Variants in TMEM132C observed in about 807,000 individuals in gnomAD.
TMEM132C encodes protein phosphatase 1, regulatory subunit 152.
A neutral mutation model predicts 61.4 loss-of-function variants in TMEM132C; 29 were observed. The ratio of observed to expected loss-of-function variants is 0.47; its 90% CI spans 0.35 to 0.64. The LOEUF is 0.64. Among genes scored for constraint, TMEM132C ranks in the 30% least tolerant of loss-of-function variants. TMEM132C has a pLI of 0.00. For missense variants in TMEM132C, 1,408 were observed against 1,476.9 expected, an observed-to-expected ratio of 0.95 and a Z score of 0.76; for synonymous variants, 656 against 633.1, an observed-to-expected ratio of 1.04 and a Z score of -0.54.
chr12:128,665,845 GCA>G lies in TMEM132C; in HGVS notation c.1306-3559_1306-3558del, dbSNP rs61721549. Among the ~76,000 whole-genome samples, 199 of 92,364 alleles carry G rather than the reference GCA, an allele frequency of 2.2e-3. 2 individuals are homozygous for G. The highest frequency in any genetic ancestry group is 2.5e-3 in the Non-Finnish European group (117 of 46,574). 60.6% of individuals were successfully genotyped at this position (92,364 alleles called of 152,430 possible). A position where few individuals can be genotyped will look rare whatever the true frequency, so the allele number is the denominator to read the frequency against. ...TTCACAGGCACTCACACAAACACAG[GCA>G]CACACACACACATACACACAGGCAC... On this transcript the variant is annotated intron_variant, in intron 4 of 8. Coordinates refer to ENST00000435159, the MANE Select transcript of TMEM132C (RefSeq NM_001136103.3).
chr12:128,380,217 GCT>G (rs1874358077), intron 1 of TMEM132C, among the ~76,000 whole-genome samples: 2 of 152,360 alleles, frequency 1.3e-5, no homozygotes, highest in East Asian at 1.9e-4. Flanking sequence ...TATTGTTCTG[GCT>G]CAGGCTCATA....
chr12:128,563,934 G>A (rs1455422007), intron 3 of TMEM132C, among the ~76,000 whole-genome samples: 1 of 152,218 alleles, frequency 6.6e-6, no homozygotes. Context: ...GCAATAGGAT[G>A]TAAATAACTC....
At chr12:128,355,910 C>T (rs1056646521) in intron 1 of TMEM132C, among the ~76,000 whole-genome samples, 1 of 152,126 alleles carries the variant, frequency 6.6e-6, no homozygotes, top group Non-Finnish European at 1.5e-5. Context: ...GCACTCTTTA[C>T]CCCCTTCCTG....
chr12:128,503,840 T>G (rs1164208496), intron 2 of TMEM132C, among the ~76,000 whole-genome samples: 2 of 152,212 alleles, frequency 1.3e-5, no homozygotes, highest in Admixed American at 6.5e-5. Context: ...TCTGGTGTTA[T>G]TCAGCAAATC....
intron 1 of TMEM132C, among the ~76,000 whole-genome samples, chr12:128,346,095 A>G (rs1481051084): frequency 6.6e-6 from 1 of 152,024 alleles, no homozygotes. Flanking sequence ...AACCCTTTCT[A>G]TAAGGGGTCC....
intron 3 of TMEM132C, among the ~76,000 whole-genome samples, chr12:128,605,893 G>A (rs147818010): frequency 6.6e-6 from 1 of 152,218 alleles, no homozygotes; most frequent in Non-Finnish European, 1.5e-5. Flanking sequence ...GAGCCTCCAT[G>A]CACCCTAGTT....
chr12:128,485,559 A>G (rs367758539), intron 2 of TMEM132C, among the ~76,000 whole-genome samples: 258 of 150,046 alleles, frequency 1.7e-3, no homozygotes, highest in African/African-American at 6.0e-3. Context: ...CAGTGTCTGG[A>G]GACATTTTTG....
At position 128,278,891 on chromosome 12, in the gene TMEM132C, T is replaced by C. The variant is rs992545787; in HGVS notation, c.85+11404T>C. 1.3e-5 allele frequency among the ~76,000 whole-genome samples: 2 copies of C among 152,068 alleles called. No homozygotes were observed. Among genetic ancestry groups the C allele is most frequent in the Non-Finnish European group, 2.9e-5 (2 of 68,022 alleles). ...TGAAGGCCTGCAGAGATCAAAAGGC[T>C]GACCACCCCTAGAAGACAAGAAGGA... On this transcript the variant is annotated intron_variant, in intron 1 of 8. Coordinates refer to ENST00000435159, the MANE Select transcript of TMEM132C (RefSeq NM_001136103.3). This position sits in a 1 kb window ranked among gnomAD's most constrained non-coding sequence, Gnocchi z 4.2.
intron 1 of TMEM132C, among the ~76,000 whole-genome samples, chr12:128,399,660 C>T (rs1875082957): frequency 6.6e-6 from 1 of 152,136 alleles, no homozygotes; most frequent in Non-Finnish European, 1.5e-5. Flanking sequence ...AGAAAGTTCT[C>T]CTATGCATGA....
rs149333456 is a variant in TMEM132C, at chr12:128,668,030, C to T, written c.1306-1387C>T. 5.3e-5 allele frequency among the ~76,000 whole-genome samples: 8 copies of T among 152,242 alleles called. No homozygotes were observed. In the East Asian group the frequency reaches 1.2e-3, roughly 22 times the overall value. On this transcript the variant is annotated intron_variant, in intron 4 of 8. Transcript: ENST00000435159. ...GCCCATGCCTGTAATCCCAGCACTT[C>T]GGGAGACTGAGGCAGGAGGATCGCT...
chr12:128,697,633 G>A (rs11836697), intron 8 of TMEM132C, among the ~76,000 whole-genome samples: 22,149 of 152,186 alleles, frequency 0.15, 1,801 homozygotes, highest in Non-Finnish European at 0.19. Context: ...CTTGGCTGCC[G>A]TTCTTACCCC....
At chr12:128,395,677 TGTTCTGAAA>T in intron 1 of TMEM132C, among the ~76,000 whole-genome samples, 1 of 152,338 alleles carries the variant, frequency 6.6e-6, no homozygotes, top group Admixed American at 6.5e-5. Flanking sequence ...TGTTGAACGC[TGTTCTGAAA>T]GTGAAAAGCA....
chr12:128,651,250 C>A (rs1031686186), intron 4 of TMEM132C, among the ~76,000 whole-genome samples: 1 of 152,198 alleles, frequency 6.6e-6, no homozygotes, highest in Non-Finnish European at 1.5e-5. Context: ...CTGAGCTATC[C>A]ATCATTCCTG....
At chr12:128,636,114 G>A (rs567256885) in intron 4 of TMEM132C, among the ~76,000 whole-genome samples, 25 of 152,262 alleles carry the variant, frequency 1.6e-4, no homozygotes, top group African/African-American at 5.8e-4. Flanking sequence ...GCAGTAGCAC[G>A]ATCATAGCCC....
intron 1 of TMEM132C, among the ~76,000 whole-genome samples, chr12:128,270,884 T>A (rs1870488762): frequency 6.6e-6 from 1 of 152,168 alleles, no homozygotes; most frequent in South Asian, 2.1e-4. Context: ...TACTAGTGCT[T>A]GCGAACTTCA....
intron 1 of TMEM132C, among the ~76,000 whole-genome samples, chr12:128,393,428 G>C (rs1250850372): frequency 6.6e-6 from 1 of 152,118 alleles, no homozygotes; most frequent in African/African-American, 2.4e-5. Context: ...CAGACAACAG[G>C]CTTCACCACC....
intron 2 of TMEM132C, among the ~76,000 whole-genome samples, chr12:128,454,600 G>C (rs894704696): frequency 6.6e-6 from 1 of 152,206 alleles, no homozygotes; most frequent in Non-Finnish European, 1.5e-5. Context: ...AGAGGTGTTC[G>C]CCGGGGCTGA....
intron 1 of TMEM132C, among the ~76,000 whole-genome samples, chr12:128,337,347 C>T (rs886785385): frequency 6.6e-6 from 1 of 152,066 alleles, no homozygotes; most frequent in African/African-American, 2.4e-5. Context: ...CGCGGGGACT[C>T]GTGTTGTGTT....
At chr12:128,623,747 G>T (rs1317700568) in intron 4 of TMEM132C, among the ~76,000 whole-genome samples, 1 of 152,064 alleles carries the variant, frequency 6.6e-6, no homozygotes, top group Non-Finnish European at 1.5e-5. Context: ...GGCAGAGGTT[G>T]CAGTGAGCTG....
Sources: allele counts gnomAD v4.1 joint callset (sites outside exome capture counted in the v4.1 genomes callset), GRCh38; gene constraint gnomAD v4.1.1; non-coding constraint Gnocchi (gnomAD v3.1); transcripts MANE v1.5; gene names NCBI Gene and HGNC (gene_info 2026-07-23, HGNC 2026-07-21).